The following TOGARAM2 variants were observed in gnomAD, a reference collection of about 807,000 sequenced individuals.
TOGARAM2 encodes the protein TOG array regulator of axonemal microtubules protein 2.
In TOGARAM2, 85 loss-of-function variants were observed where a neutral mutation model predicts 93.3. The ratio of observed to expected loss-of-function variants is 0.91; its 90% CI spans 0.76 to 1.09. The LOEUF is 1.09. Among genes scored for constraint, TOGARAM2 ranks in the 50% least tolerant of loss-of-function variants. The pLI is 0.00. For missense variants in TOGARAM2, 1,277 were observed against 1,334.5 expected (o/e 0.96, Z 0.67); for synonymous variants, 593 against 552.8 (o/e 1.07, Z -1.02).
upstream of TOGARAM2, among the ~76,000 whole-genome samples, chr2:28,977,954 T>C (rs1444613172): frequency 6.6e-6 from 1 of 152,134 alleles, no homozygotes; most frequent in Non-Finnish European, 1.5e-5. Flanking sequence ...TCATCCAGGC[T>C]GGAGTGCAGT....
chr2:28,967,263 C>G (rs3923710), intron 1 of TOGARAM2, among the ~76,000 whole-genome samples: 24,580 of 151,920 alleles, frequency 0.16, 2,872 homozygotes, highest in East Asian at 0.59. Flanking sequence ...TTTCTTGAGC[C>G]CAGGAGTTTG....
intron 13 of TOGARAM2, 76 bp from the exon 14 acceptor site, chr2:29,026,776 TA>T: frequency 7.2e-7 from 1 of 1,394,966 alleles, no homozygotes; most frequent in Non-Finnish European, 9.5e-7. Flanking sequence ...TCTGCAATGG[TA>T]GATCCATGTT....
rs748867170 is a variant in TOGARAM2, at chr2:29,002,561, C to G, written c.453C>G (p.Pro151=). 2 of 1,613,802 alleles carry G rather than the reference C, an allele frequency of 1.2e-6. No individual in the cohort carries two copies. The highest frequency in any genetic ancestry group is 1.7e-6 in the Non-Finnish European group (2 of 1,179,830). The change falls in exon 5 of 20, where the codon CCC becomes CCG. Residue 151 remains proline, a synonymous_variant. Transcript: ENST00000379558. ...CCTCTCTGGATCCAGGGGGAGGCCC[C>G]CAAGGAGTTCCCCTGCACAGCACCA... ...SRASLDPGGG[P]QGVPLHSTIP...
chr2:29,037,176 C>G (rs1666166146), intron 18 of TOGARAM2, among the ~76,000 whole-genome samples: 1 of 152,042 alleles, frequency 6.6e-6, no homozygotes, highest in Non-Finnish European at 1.5e-5. Flanking sequence ...ACGGTGGGAG[C>G]TATGGAAGAG....
chr2:29,034,974 A>G (rs912189282), intron 16 of TOGARAM2, among the ~76,000 whole-genome samples: 9 of 151,642 alleles, frequency 5.9e-5, no homozygotes, highest in African/African-American at 2.2e-4. Context: ...ACATACTGAA[A>G]CCCTGTCTCT....
chr2:29,018,675 C>T lies in TOGARAM2; in HGVS notation c.1360+719C>T, dbSNP rs144551042. ...TCTCCCTTTTCAATCCTCTTTCTAT[C>T]CTTTCAATTGTCTCAAGTAGAAAGT... On this transcript the variant is annotated intron_variant, in intron 10 of 19. Transcript: ENST00000379558. 213 of 152,240 alleles carry T rather than the reference C, an allele frequency of 1.4e-3. 1 individual carries two copies. The highest frequency in any genetic ancestry group is 4.9e-3 in the African/African-American group (205 of 41,556). The allele number at this position is 152,240 out of a possible 1,614,324, so 9.4% of individuals were successfully genotyped here.
At position 28,999,165 on chromosome 2, in the gene TOGARAM2, C is replaced by T. The variant is rs774516852; in HGVS notation, c.140-16C>T. The T allele has an allele frequency of 5.6e-6, 9 of 1,600,756 alleles. No homozygotes were observed. In the Admixed American group the frequency reaches 1.5e-4, roughly 27 times the overall value. On this transcript the variant is annotated splice_polypyrimidine_tract_variant and intron_variant, in intron 3 of 19. Coordinates refer to ENST00000379558, the MANE Select transcript of TOGARAM2 (RefSeq NM_199280.4). Reference sequence around the variant, plus strand: ...GGTACTGCGTGCCAAGCCATTCACACCTCTGTCCCCCTCAGGTTCTCTCCA... The same window carrying T: ...GGTACTGCGTGCCAAGCCATTCACATCTCTGTCCCCCTCAGGTTCTCTCCA...
At chr2:28,997,893 G>A (rs1156750037) in intron 2 of TOGARAM2, among the ~76,000 whole-genome samples, 9 of 152,200 alleles carry the variant, frequency 5.9e-5, no homozygotes, top group Non-Finnish European at 1.2e-4. Context: ...CAGGATGCGA[G>A]GAGGGAGGAG....
At chr2:29,000,827 C>T (rs1210323412) in intron 4 of TOGARAM2, among the ~76,000 whole-genome samples, 2 of 152,194 alleles carry the variant, frequency 1.3e-5, no homozygotes, top group African/African-American at 4.8e-5. Flanking sequence ...ATTATGGAGG[C>T]AGAAGGTGGG....
rs72859142 is a variant in TOGARAM2 at position 29,026,610 on chromosome 2, T to C, written c.1854-243T>C. Among the ~76,000 whole-genome samples the C allele has an allele frequency of 3.6e-3, 553 of 152,316 alleles. 5 individuals are homozygous for C. The highest frequency in any genetic ancestry group is 0.013 in the African/African-American group (529 of 41,570). On this transcript the variant is annotated intron_variant, in intron 13 of 19. Transcript: ENST00000379558. ...CCAAGAACGGTATGCATACGGTGTATTGGGGAACCTCGTGTAGCTTCATGT... is the reference window on the plus strand; with the variant it reads ...CCAAGAACGGTATGCATACGGTGTACTGGGGAACCTCGTGTAGCTTCATGT...
rs755480427 is a variant in TOGARAM2 at position 29,052,051 on chromosome 2, C to T, written c.3018C>T (p.Asp1006=). Residue 1006 remains aspartate, a synonymous_variant, in exon 20 of 20, where the codon GAC becomes GAT. Coordinates refer to ENST00000379558, the MANE Select transcript of TOGARAM2 (RefSeq NM_199280.4). Reference sequence around the variant, plus strand: ...CCACTGACAGAGGGGTGGCCCCTGACAGCAAGACAACTGGCAGCTCATACC... The same window carrying T: ...CCACTGACAGAGGGGTGGCCCCTGATAGCAAGACAACTGGCAGCTCATACC... ...RKATDRGVAP[D]SKTTGSSYPF... 6.3e-7 allele frequency: 1 copy of T among 1,599,754 alleles called. No individual in the cohort carries two copies. The highest frequency in any genetic ancestry group is 8.5e-7 in the Non-Finnish European group (1 of 1,171,880).
intron 14 of TOGARAM2, among the ~76,000 whole-genome samples, chr2:29,029,262 T>TACAC (rs1192229516): frequency 1.1e-5 from 1 of 93,112 alleles, no homozygotes; most frequent in African/African-American, 3.7e-5. Flanking sequence ...TGTATGTGTG[T>TACAC]ATACACACAC....
chr2:28,982,719 G>T (rs1672259695), intron 1 of TOGARAM2, among the ~76,000 whole-genome samples: 1 of 152,206 alleles, frequency 6.6e-6, no homozygotes, highest in Non-Finnish European at 1.5e-5. Context: ...ACCAGACTCT[G>T]CTCACTAGCA....
chr2:28,981,877 T>C (rs1439491322), intron 1 of TOGARAM2, among the ~76,000 whole-genome samples: 1 of 152,150 alleles, frequency 6.6e-6, no homozygotes, highest in Non-Finnish European at 1.5e-5. Flanking sequence ...GGTGAACCCT[T>C]CACAGGGCAA....
At chr2:28,998,540 C>T (rs1043126052) in intron 3 of TOGARAM2, among the ~76,000 whole-genome samples, 2 of 152,126 alleles carry the variant, frequency 1.3e-5, no homozygotes, top group Admixed American at 6.5e-5. Flanking sequence ...GGGGAGGGGG[C>T]CCCTCTCAAG....
At chr2:29,016,868 C>G (rs923524294) in intron 8 of TOGARAM2, among the ~76,000 whole-genome samples, 1 of 152,208 alleles carries the variant, frequency 6.6e-6, no homozygotes, top group African/African-American at 2.4e-5. Context: ...ATTTCTGTCT[C>G]CACTTAAGCT....
intron 8 of TOGARAM2, 110 bp downstream of exon 8, chr2:29,014,671 G>T (rs193111777): frequency 2.2e-6 from 3 of 1,392,842 alleles, no homozygotes; most frequent in Non-Finnish European, 2.9e-6. Flanking sequence ...ACAGAGCAGA[G>T]CAAGGAGAGC....
rs1410654417 is a variant in TOGARAM2 at position 28,956,691 on chromosome 2, T to C, written c.-153T>C. The stretch of plus-strand genomic sequence containing the variant: ...CTTATGTGCACCTGTGCCAGCATCT[T>C]TCTCAGGTGGGTAAGGAGAGGTGGA... On this transcript the variant is annotated 5_prime_UTR_variant, in exon 1 of 7. Transcript: ENST00000401723. The surrounding 1 kb of genome is among the most constrained non-coding windows in gnomAD (Gnocchi z 4.5). 6.6e-6 allele frequency: 1 copy of C among 152,214 alleles called. No individual in the cohort carries two copies. The highest frequency in any genetic ancestry group is 1.5e-5 in the Non-Finnish European group (1 of 68,030). 9.4% of individuals were successfully genotyped at this position (152,214 alleles called of 1,614,324 possible). A position where few individuals can be genotyped will look rare whatever the true frequency, so the allele number is the denominator to read the frequency against.
At chr2:28,968,128 GT>G (rs1475457269) in intron 1 of TOGARAM2, among the ~76,000 whole-genome samples, 1 of 152,016 alleles carries the variant, frequency 6.6e-6, no homozygotes, top group Non-Finnish European at 1.5e-5. Flanking sequence ...CAATAAGATG[GT>G]CTTTAATGTG....
Sources: allele counts gnomAD v4.1 joint callset (sites outside exome capture counted in the v4.1 genomes callset), GRCh38; gene constraint gnomAD v4.1.1; non-coding constraint Gnocchi (gnomAD v3.1); transcripts MANE v1.5; gene names NCBI Gene and HGNC (gene_info 2026-07-23, HGNC 2026-07-21).